RPP30: variants seen among roughly 807,000 people sequenced by gnomAD.
RPP30 encodes ribonuclease P protein subunit p30.
A neutral mutation model predicts 38.6 loss-of-function variants in RPP30; 36 were observed. The ratio of observed to expected loss-of-function variants is 0.93; its 90% CI spans 0.71 to 1.23. RPP30 has a LOEUF of 1.23. Among genes scored for constraint, RPP30 ranks in the 50% most tolerant of loss-of-function variants. RPP30 has a pLI of 0.00. For synonymous variants in RPP30, 126 were observed against 112.7 expected, an observed-to-expected ratio of 1.12 and a Z score of -0.75; for missense variants, 321 against 321.7, an observed-to-expected ratio of 1.00 and a Z score of 0.02.
At chr10:90,884,243 C>T (rs1846970704) in intron 5 of RPP30, among the ~76,000 whole-genome samples, 1 of 152,170 alleles carries the variant, frequency 6.6e-6, no homozygotes, top group Non-Finnish European at 1.5e-5. Context: ...CTTATAGAGA[C>T]TTCTCTATAG....
At position 90,879,128 on chromosome 10, in the gene RPP30, T is replaced by G; in HGVS notation, c.336T>G (p.Leu112=). ...VVAVFPKTEK[L]FHIACTHLDV... is the part of the protein sequence containing the mutation. The stretch of plus-strand genomic sequence containing the variant: ...CAGTTTTTCCAAAGACAGAAAAGCT[T>G]TTTCATGTGAGTAACAGATAAGTAA... The change falls in exon 5 of 11, where the codon CTT becomes CTG. Residue 112 remains leucine, a synonymous_variant. Transcript: ENST00000371703. The G allele has an allele frequency of 6.2e-7, 1 of 1,613,298 alleles. No individual in the cohort carries two copies. The highest frequency in any genetic ancestry group is 8.5e-7 in the Non-Finnish European group (1 of 1,179,326).
Position 90,901,998 on chromosome 10 carries a change from C to T in RPP30, c.*1319C>T, listed in dbSNP as rs1003412647. ...GTATTTAGCAGAGACGGGGTTTCACCGTGTTAGCCAGGATGGTCTCAATCT... is the reference window on the plus strand; with the variant it reads ...GTATTTAGCAGAGACGGGGTTTCACTGTGTTAGCCAGGATGGTCTCAATCT... On this transcript the variant is annotated 3_prime_UTR_variant, in exon 11 of 11. Transcript: ENST00000371703. 2 of 428,688 alleles carry T rather than the reference C, an allele frequency of 4.7e-6. No homozygotes were observed. The highest frequency in any genetic ancestry group is 6.2e-6 in the Non-Finnish European group (2 of 321,764). 26.6% of individuals were successfully genotyped at this position (428,688 alleles called of 1,614,324 possible).
chr10:90,895,791 G>A (rs1847132565), intron 8 of RPP30, 89 bp from the exon 9 acceptor site: 1 of 934,252 alleles, frequency 1.1e-6, no homozygotes, highest in Non-Finnish European at 1.6e-6. Context: ...TTTATTTTTG[G>A]ATACTTAAAT....
intron 8 of RPP30, 98 bp downstream of exon 8, chr10:90,895,581 A>AT (rs59891149): frequency 0.2 from 141,519 of 696,392 alleles, 16,592 homozygotes; most frequent in African/African-American, 0.42. Context: ...TATTTGTTGC[A>AT]TTTTTTTCTA....
downstream of RPP30, chr10:90,905,976 C>G (rs1436338558): frequency 6.6e-6 from 1 of 152,162 alleles, no homozygotes; most frequent in Non-Finnish European, 1.5e-5. Flanking sequence ...ATAAAGATGT[C>G]TAGAATAAGT....
At chr10:90,879,165 GTA>G in intron 5 of RPP30, 31 bp downstream of exon 5, 1 of 1,528,810 alleles carries the variant, frequency 6.5e-7, no homozygotes, top group Non-Finnish European at 9.0e-7. Flanking sequence ...AGAAAGTAGT[GTA>G]TATATGTTAT....
chr10:90,891,627 A>G (rs1221189389), intron 6 of RPP30, among the ~76,000 whole-genome samples: 3 of 152,228 alleles, frequency 2.0e-5, no homozygotes. Flanking sequence ...CCTCTACAAT[A>G]TGATACTCTA....
At chr10:90,896,271 C>T (rs1485707361) in intron 9 of RPP30, 42 bp from the exon 10 acceptor site, 2 of 1,562,418 alleles carry the variant, frequency 1.3e-6, no homozygotes. Flanking sequence ...AGTCTCGTGT[C>T]CTTGGGTGAC....
At chr10:90,878,313 T>C (rs1173842312) in intron 4 of RPP30, among the ~76,000 whole-genome samples, 1 of 152,162 alleles carries the variant, frequency 6.6e-6, no homozygotes, top group South Asian at 2.1e-4. Context: ...TATTATACTT[T>C]TTCTTTTTAC....
At chr10:90,874,414 G>A (rs765937776) in intron 1 of RPP30, among the ~76,000 whole-genome samples, 13 of 152,018 alleles carry the variant, frequency 8.6e-5, no homozygotes, top group African/African-American at 2.2e-4. Context: ...AGAAATGAAC[G>A]GGAATAAAAG....
At chr10:90,902,298 A>G (rs1472001066), downstream of RPP30, 1 of 413,244 alleles carries the variant, frequency 2.4e-6, no homozygotes, top group South Asian at 2.0e-5. Flanking sequence ...GCTCACTGCA[A>G]CCTTTGCCTC....
chr10:90,903,667 T>C (rs79724785), downstream of RPP30, among the ~76,000 whole-genome samples: 261 of 152,348 alleles, frequency 1.7e-3, 2 homozygotes, highest in African/African-American at 6.0e-3. Flanking sequence ...ATATTTACTT[T>C]CGTTAGAATG....
intron 10 of RPP30, among the ~76,000 whole-genome samples, chr10:90,897,794 A>C (rs968132945): frequency 6.6e-6 from 1 of 151,860 alleles, no homozygotes; most frequent in Non-Finnish European, 1.5e-5. Flanking sequence ...TTTTTTTTAG[A>C]ATTTCTTTTT....
rs59418716 is a variant in RPP30 at position 90,901,140 on chromosome 10, A to AT, written c.*483dup. 6.4e-3 allele frequency: 767 copies of AT among 120,058 alleles called. No homozygotes were observed. Among genetic ancestry groups the AT allele is most frequent in the Non-Finnish European group, 8.9e-3 (582 of 65,438 alleles). 7.4% of individuals were successfully genotyped at this position (120,058 alleles called of 1,614,324 possible). A position where few individuals can be genotyped will look rare whatever the true frequency, so the allele number is the denominator to read the frequency against. ...CAGGTGTGCACTACCACACCTGGCT[A>AT]TTTTTTTTTTTTTTTTTTTTTTCCC... On this transcript the variant is annotated 3_prime_UTR_variant, in exon 11 of 11. Coordinates refer to ENST00000371703, the MANE Select transcript of RPP30 (RefSeq NM_006413.5).
At chr10:90,893,371 C>T (rs1847104888) in intron 6 of RPP30, among the ~76,000 whole-genome samples, 1 of 152,088 alleles carries the variant, frequency 6.6e-6, no homozygotes, top group Admixed American at 6.6e-5. Flanking sequence ...TCTGGGCAAT[C>T]GAAACTCATT....
chr10:90,874,999 G>T (rs949092648), intron 2 of RPP30, 75 bp downstream of exon 2: 16 of 922,792 alleles, frequency 1.7e-5, no homozygotes, highest in Admixed American at 4.6e-5. Context: ...TAATTTGGAA[G>T]CTACAGATTA....
chr10:90,896,306 C>A lies in RPP30; in HGVS notation c.618-7C>A, dbSNP rs371558347. 1 of 1,613,202 alleles carries A rather than the reference C, an allele frequency of 6.2e-7. No individual in the cohort carries two copies. The highest frequency in any genetic ancestry group is 8.5e-7 in the Non-Finnish European group (1 of 1,179,220). ...CTCTGGGTTGAAATCTTTAATGCTC[C>A]CCCAAGAGGCTTGCTGTTTGGGCTC... On this transcript the variant is annotated splice_polypyrimidine_tract_variant and splice_region_variant and intron_variant, in intron 9 of 10. Transcript: ENST00000371703.
At chr10:90,876,150 T>C in intron 4 of RPP30, 52 bp downstream of exon 4, 1 of 1,158,836 alleles carries the variant, frequency 8.6e-7, no homozygotes, top group Non-Finnish European at 1.3e-6. Context: ...TTGTATTGAT[T>C]AATGTTGAAC....
intron 4 of RPP30, among the ~76,000 whole-genome samples, chr10:90,878,506 T>C (rs1465434509): frequency 6.6e-6 from 1 of 152,124 alleles, no homozygotes; most frequent in Non-Finnish European, 1.5e-5. Context: ...CATTTTTTTT[T>C]TTTGAGATGA....
Sources: gnomAD v4.1 joint callset for allele counts (sites outside exome capture counted in the v4.1 genomes callset) on GRCh38, gnomAD v4.1.1 for gene constraint, MANE v1.5 for transcripts, NCBI Gene and HGNC (gene_info 2026-07-23, HGNC 2026-07-21) for gene names.